PCDHA7: variants seen among roughly 807,000 people sequenced by gnomAD.
PCDHA7 encodes the protein protocadherin alpha-7.
PCDHA7 carries 37 observed loss-of-function variants against 57.2 expected under a neutral mutation model. The observed-to-expected ratio is 0.65, with a 90% CI of 0.50 to 0.85. PCDHA7 has a LOEUF of 0.85. Ranked by LOEUF, PCDHA7 falls within the 40% of genes least tolerant of loss-of-function variation. The probability of loss-of-function intolerance (pLI) is 0.00; values close to 1 mark genes in which losing one functional copy is unlikely to be tolerated. For synonymous variants in PCDHA7, 553 were observed against 558.8 expected (o/e 0.99, Z 0.15); for missense variants, 1,188 against 1,241.8 (o/e 0.96, Z 0.65).
At position 140,834,292 on chromosome 5, in the gene PCDHA7, C is replaced by T; in HGVS notation, c.-92C>T. ...TCACTCTTTGGATGCACAACAATGGCCACACATCGAGATTGAAATGAAGGG... is the reference window on the plus strand; with the variant it reads ...TCACTCTTTGGATGCACAACAATGGTCACACATCGAGATTGAAATGAAGGG... On this transcript the variant is annotated 5_prime_UTR_variant, in exon 1 of 4. Transcript: ENST00000525929. 3.3e-6 allele frequency: 4 copies of T among 1,207,488 alleles called. No homozygotes were observed. The highest frequency in any genetic ancestry group is 3.5e-6 in the Non-Finnish European group (3 of 852,546). The allele number at this position is 1,207,488 out of a possible 1,614,324, so 74.8% of individuals were successfully genotyped here. A position where few individuals can be genotyped will look rare whatever the true frequency, so the allele number is the denominator to read the frequency against.
rs144940545 is a variant in PCDHA7, at chr5:140,840,415, A to G, written c.2355+3677A>G. Among the ~76,000 whole-genome samples the G allele has an allele frequency of 1.2e-3, 182 of 152,100 alleles. 3 individuals are homozygous for G. In the East Asian group the frequency reaches 0.029, roughly 25 times the overall value. On this transcript the variant is annotated intron_variant, in intron 1 of 3. Coordinates refer to ENST00000525929, the MANE Select transcript of PCDHA7 (RefSeq NM_018910.3). ...ATATGGAGTTAAGAATACTTCAAAT[A>G]ATAGGCTAGTTTAAAGCCGTGGAAA...
rs530119651 is a variant in PCDHA7, at chr5:140,965,991, T to A, written c.2356-12958T>A. ...CCTAGGAGTTGAGCACTTTCTGCAG[T>A]ACTTAAGAGTGTCCAGGGAAGATGT... On this transcript the variant is annotated intron_variant, in intron 1 of 3. Transcript: ENST00000525929. Among the ~76,000 whole-genome samples, 253 of 152,310 alleles carry A rather than the reference T, an allele frequency of 1.7e-3. 2 individuals carry two copies. Among genetic ancestry groups the A allele is most frequent in the Non-Finnish European group, 2.4e-3 (164 of 68,034 alleles).
rs1488505557 is a variant in PCDHA7 at position 140,967,448 on chromosome 5, A to G, written c.2356-11501A>G. The G allele has an allele frequency of 6.8e-6, 11 of 1,613,462 alleles. No individual in the cohort carries two copies. Among genetic ancestry groups the G allele is most frequent in the Non-Finnish European group, 9.3e-6 (11 of 1,179,888 alleles). On this transcript the variant is annotated intron_variant, in intron 1 of 3. Transcript: ENST00000525929. ...GGCAGCCTTGCACCACCTGGTTCTC[A>G]CAGCCGTGGATGGGGGCATCCCAGC...
At chr5:140,996,933 T>G (rs2097753695) in intron 3 of PCDHA7, among the ~76,000 whole-genome samples, 1 of 152,186 alleles carries the variant, frequency 6.6e-6, no homozygotes, top group African/African-American at 2.4e-5. Flanking sequence ...ATATAGCATT[T>G]TTGCATAGAA....
chr5:140,852,117 T>A, intron 1 of PCDHA7: 1 of 906,144 alleles, frequency 1.1e-6, no homozygotes, highest in Non-Finnish European at 1.3e-6. Context: ...AGGTATGACC[T>A]AATTAAAAAC....
intron 1 of PCDHA7, chr5:140,842,284 C>A: frequency 1.2e-6 from 2 of 1,610,320 alleles, no homozygotes; most frequent in South Asian, 1.1e-5. Context: ...TCCTCATTGA[C>A]GCCACGGACA....
At chr5:140,957,189 G>A (rs1376112973) in intron 1 of PCDHA7, among the ~76,000 whole-genome samples, 1 of 152,056 alleles carries the variant, frequency 6.6e-6, no homozygotes. Context: ...ATTGATGACC[G>A]ATTGGGAATA....
intron 1 of PCDHA7, among the ~76,000 whole-genome samples, chr5:140,970,875 AT>A (rs1213440334): frequency 6.6e-6 from 1 of 152,100 alleles, no homozygotes; most frequent in African/African-American, 2.4e-5. Flanking sequence ...TTGAGAGTAG[AT>A]TTTTCTCATG....
Position 140,898,113 on chromosome 5 carries a change from C to G in PCDHA7, c.2355+61375C>G, listed in dbSNP as rs369408845. 3.9e-5 allele frequency among the ~76,000 whole-genome samples: 6 copies of G among 151,952 alleles called. No individual in the cohort carries two copies. The East Asian group carries it at 1.2e-3, about 29-fold the overall frequency. ...AGCCCTTTGTCAGATGAGTAGGTTG[C>G]GAAAATTTTCTCCCATTTTGTAGGT... On this transcript the variant is annotated intron_variant, in intron 1 of 3. Coordinates refer to ENST00000525929, the MANE Select transcript of PCDHA7 (RefSeq NM_018910.3).
intron 1 of PCDHA7, among the ~76,000 whole-genome samples, chr5:140,900,840 T>G (rs6874218): frequency 0.33 from 49,667 of 152,016 alleles, 8,381 homozygotes; most frequent in East Asian, 0.53. Flanking sequence ...ATGTACAAAG[T>G]TTCCCTTTTT....
intron 1 of PCDHA7, chr5:140,854,159 CAA>C (rs59855104): frequency 4.1e-3 from 1,382 of 339,958 alleles, no homozygotes; most frequent in Non-Finnish European, 4.7e-3. Flanking sequence ...GATTCTGTCT[CAA>C]AAAAAAAAAA....
intron 1 of PCDHA7, among the ~76,000 whole-genome samples, chr5:140,960,579 C>G (rs2095556928): frequency 6.6e-6 from 1 of 152,052 alleles, no homozygotes; most frequent in South Asian, 2.1e-4. Context: ...AGTTGGAAAA[C>G]AGTTCAAATT....
At chr5:140,862,741 G>A (rs2153223703) in intron 1 of PCDHA7, 1 of 577,348 alleles carries the variant, frequency 1.7e-6, no homozygotes. Context: ...CTATGTGTGG[G>A]TGCACGCGGA....
chr5:140,892,757 A>G lies in PCDHA7; in HGVS notation c.2355+56019A>G, dbSNP rs140291258. 8.0e-3 allele frequency among the ~76,000 whole-genome samples: 1,217 copies of G among 152,310 alleles called. 7 individuals carry two copies. Among genetic ancestry groups the G allele is most frequent in the African/African-American group, 0.019 (784 of 41,562 alleles). ...CCATTTTTGCATGGTGAACATTTAA[A>G]ATCCACTCTTCTAGCTTCTTGAAAA... On this transcript the variant is annotated intron_variant, in intron 1 of 3. Transcript: ENST00000525929.
chr5:140,913,036 A>G (rs2076178944), intron 1 of PCDHA7, among the ~76,000 whole-genome samples: 3 of 152,190 alleles, frequency 2.0e-5, no homozygotes, highest in African/African-American at 7.2e-5. Context: ...CATCAGATAT[A>G]TTGGCCTGGA....
chr5:141,009,582 G>A, intron 3 of PCDHA7, 45 bp from the exon 4 acceptor site: 1 of 1,590,226 alleles, frequency 6.3e-7, no homozygotes, highest in Non-Finnish European at 8.6e-7. Context: ...GGCATCAAGA[G>A]CATGTGTTGA....
intron 1 of PCDHA7, among the ~76,000 whole-genome samples, chr5:140,846,053 A>T (rs2150384240): frequency 6.7e-6 from 1 of 149,910 alleles, no homozygotes; most frequent in East Asian, 1.9e-4. Context: ...AACACCACCT[A>T]TGTGGGAAAA....
chr5:140,913,965 A>G (rs1228834396), intron 1 of PCDHA7, among the ~76,000 whole-genome samples: 7 of 152,300 alleles, frequency 4.6e-5, no homozygotes, highest in Admixed American at 2.6e-4. Flanking sequence ...ATTTTTAAAA[A>G]AATATTTTAG....
intron 1 of PCDHA7, among the ~76,000 whole-genome samples, chr5:140,907,775 G>T (rs1217508105): frequency 4.6e-5 from 7 of 152,178 alleles, no homozygotes; most frequent in African/African-American, 1.7e-4. Flanking sequence ...TGATGACAGG[G>T]GTGGCTGGGG....
Sources: allele counts gnomAD v4.1 joint callset (sites outside exome capture counted in the v4.1 genomes callset), GRCh38; gene constraint gnomAD v4.1.1; transcripts MANE v1.5; gene names NCBI Gene and HGNC (gene_info 2026-07-23, HGNC 2026-07-21).